The following POU2F1 variants were observed in gnomAD, a reference collection of about 807,000 sequenced individuals.
The protein encoded by POU2F1 is POU domain, class 2, transcription factor 1.
In POU2F1, 16 loss-of-function variants were observed where a neutral mutation model predicts 84.9. That is an observed-to-expected ratio of 0.19 (90% CI 0.13 to 0.29). POU2F1 has a LOEUF of 0.29. Among genes scored for constraint, POU2F1 ranks in the 10% least tolerant of loss-of-function variants. The probability of loss-of-function intolerance (pLI) is 1.00; values close to 1 mark genes in which losing one functional copy is unlikely to be tolerated. For synonymous variants in POU2F1, 368 were observed against 368.3 expected (o/e 1.00, Z 0.01); for missense variants, 738 against 942.6 (o/e 0.78, Z 2.84).
chr1:167,257,956 T>C (rs148556060), intron 1 of POU2F1: 1 of 151,810 alleles, frequency 6.6e-6, no homozygotes, highest in African/African-American at 2.4e-5. Context: ...TTTTTTTTAA[T>C]TTATTTTCTG....
chr1:167,396,207 C>A (rs1244934151), intron 9 of POU2F1, 79 bp from the exon 10 acceptor site: 3 of 1,522,640 alleles, frequency 2.0e-6, no homozygotes, highest in Non-Finnish European at 9.0e-7. Flanking sequence ...TGGAGCAACA[C>A]CCCAGAGTGA....
At chr1:167,320,789 C>T (rs1656259128) in intron 1 of POU2F1, among the ~76,000 whole-genome samples, 1 of 152,168 alleles carries the variant, frequency 6.6e-6, no homozygotes, top group Non-Finnish European at 1.5e-5. Context: ...GCCTTATACG[C>T]TTGCTTCTCA....
In POU2F1 at chr1:167,344,640, A is replaced by G. The variant is rs746475398; in HGVS notation, c.127+12105A>G. On this transcript the variant is annotated intron_variant, in intron 2 of 15. Coordinates refer to ENST00000367866, the MANE Select transcript of POU2F1 (RefSeq NM_002697.4). ...AGTTTTTCTTAGCTGTAAGATGGAG[A>G]TAAATAATAATCCATCTCATAGTCT... is the stretch of plus-strand genomic sequence containing the variant. 3.9e-5 allele frequency among the ~76,000 whole-genome samples: 6 copies of G among 152,156 alleles called. 1 individual carries two copies. Among genetic ancestry groups the G allele is most frequent in the Non-Finnish European group, 8.8e-5 (6 of 68,032 alleles).
intron 1 of POU2F1, among the ~76,000 whole-genome samples, chr1:167,239,900 A>G (rs2102367455): frequency 6.6e-6 from 1 of 152,284 alleles, no homozygotes; most frequent in Admixed American, 6.5e-5. Flanking sequence ...GAAAAATACT[A>G]AGACAAAAAT....
intron 1 of POU2F1, among the ~76,000 whole-genome samples, chr1:167,272,746 A>G (rs1652464138): frequency 6.6e-6 from 1 of 152,180 alleles, no homozygotes; most frequent in African/African-American, 2.4e-5. Flanking sequence ...AACATCGAGG[A>G]TTACAATTTG....
At chr1:167,282,656 C>T (rs1161963463) in intron 1 of POU2F1, among the ~76,000 whole-genome samples, 1 of 152,032 alleles carries the variant, frequency 6.6e-6, no homozygotes, top group Non-Finnish European at 1.5e-5. Context: ...CCCTGTCACA[C>T]CTCATTTTCT....
chr1:167,371,279 C>G (rs1296383582), intron 4 of POU2F1, among the ~76,000 whole-genome samples: 1 of 152,146 alleles, frequency 6.6e-6, no homozygotes, highest in Non-Finnish European at 1.5e-5. Flanking sequence ...TTAATCAGAG[C>G]ATTTATGTTA....
chr1:167,379,329 A>G (rs1250780053), intron 7 of POU2F1: 1 of 152,214 alleles, frequency 6.6e-6, no homozygotes, highest in East Asian at 1.9e-4. Flanking sequence ...GAAAAGTGGC[A>G]TTTCCAAGTT....
chr1:167,321,518 ATT>A (rs201865107), intron 1 of POU2F1, among the ~76,000 whole-genome samples: 2 of 152,034 alleles, frequency 1.3e-5, no homozygotes, highest in Non-Finnish European at 2.9e-5. Flanking sequence ...CATTTACCTC[ATT>A]TTTTCTTAAT....
At chr1:167,274,094 A>G (rs1325907195) in intron 1 of POU2F1, among the ~76,000 whole-genome samples, 2 of 152,164 alleles carry the variant, frequency 1.3e-5, no homozygotes, top group African/African-American at 4.8e-5. Context: ...TATTCCTTAT[A>G]ATAGTTGAAG....
At chr1:167,232,579 A>G (rs1649145683) in intron 1 of POU2F1, among the ~76,000 whole-genome samples, 1 of 152,236 alleles carries the variant, frequency 6.6e-6, no homozygotes, top group African/African-American at 2.4e-5. Context: ...GTGATGGCTC[A>G]TGCCTGTAAT....
At chr1:167,221,105 C>G in intron 1 of POU2F1, 147 bp downstream of exon 1, 3 of 784,460 alleles carry the variant, frequency 3.8e-6, no homozygotes, top group South Asian at 3.6e-5. Flanking sequence ...ATTGAGCCCC[C>G]GCCGGGCGCT....
intron 1 of POU2F1, among the ~76,000 whole-genome samples, chr1:167,298,741 A>C (rs1196198669): frequency 6.6e-6 from 1 of 152,168 alleles, no homozygotes; most frequent in Non-Finnish European, 1.5e-5. Flanking sequence ...AGTTTGCTTG[A>C]ATTCATTAAT....
intron 9 of POU2F1, among the ~76,000 whole-genome samples, chr1:167,395,109 C>T (rs1648710110): frequency 6.6e-6 from 1 of 152,176 alleles, no homozygotes; most frequent in South Asian, 2.1e-4. Flanking sequence ...CTCCGTGAGC[C>T]TCTGTTTCCT....
intron 1 of POU2F1, among the ~76,000 whole-genome samples, chr1:167,276,272 T>C (rs574620940): frequency 1.3e-5 from 2 of 152,248 alleles, no homozygotes; most frequent in African/African-American, 2.4e-5. Flanking sequence ...AGTAGCGGCC[T>C]ATGTTATCAG....
At chr1:167,408,767 G>A (rs1278593866) in intron 13 of POU2F1, among the ~76,000 whole-genome samples, 1 of 152,184 alleles carries the variant, frequency 6.6e-6, no homozygotes, top group Non-Finnish European at 1.5e-5. Flanking sequence ...GATGATGGTT[G>A]TATAACTGTA....
intron 1 of POU2F1, among the ~76,000 whole-genome samples, chr1:167,222,154 G>T (rs1648269501): frequency 1.3e-5 from 2 of 152,126 alleles, no homozygotes; most frequent in African/African-American, 4.8e-5. Flanking sequence ...CTGCCCTCCT[G>T]CCCCAGAATG....
chr1:167,301,512 C>A (rs1654701382), intron 1 of POU2F1, among the ~76,000 whole-genome samples: 1 of 152,192 alleles, frequency 6.6e-6, no homozygotes, highest in South Asian at 2.1e-4. Context: ...TTGCCATTGC[C>A]AGCTGTGCAT....
At chr1:167,413,980 C>A in intron 15 of POU2F1, among the ~76,000 whole-genome samples, 1 of 148,502 alleles carries the variant, frequency 6.7e-6, no homozygotes, top group Admixed American at 6.7e-5. Flanking sequence ...CAGTAAGACC[C>A]TGTTTCTAAA....
Sources: gnomAD v4.1 joint callset for allele counts (sites outside exome capture counted in the v4.1 genomes callset) on GRCh38, gnomAD v4.1.1 for gene constraint, MANE v1.5 for transcripts, NCBI Gene and HGNC (gene_info 2026-07-23, HGNC 2026-07-21) for gene names.